The following SKAP2 variants were observed in gnomAD, a reference collection of about 807,000 sequenced individuals.
SKAP2 encodes the protein src kinase associated phosphoprotein 2.
A neutral mutation model predicts 54.9 loss-of-function variants in SKAP2; 28 were observed. The observed-to-expected ratio is 0.51, with a 90% CI of 0.38 to 0.70. SKAP2 has a LOEUF of 0.70. SKAP2 is among the 30% of genes least tolerant of loss of function. The pLI is 0.00. For synonymous variants in SKAP2, 137 were observed against 134.3 expected (o/e 1.02, Z -0.14); for missense variants, 356 against 424.1 (o/e 0.84, Z 1.41).
At chr7:26,681,530 A>G (rs1786498283) in intron 11 of SKAP2, among the ~76,000 whole-genome samples, 1 of 152,198 alleles carries the variant, frequency 6.6e-6, no homozygotes, top group Non-Finnish European at 1.5e-5. Flanking sequence ...CTAAATGTTT[A>G]TTTATATTGA....
intron 4 of SKAP2, among the ~76,000 whole-genome samples, chr7:26,755,846 C>T (rs1782778734): frequency 1.3e-5 from 2 of 152,354 alleles, no homozygotes; most frequent in South Asian, 2.1e-4. Context: ...TCTCCACTCA[C>T]CCCGTTTTGG....
chr7:26,798,419 AG>A (rs1174513824), intron 4 of SKAP2, among the ~76,000 whole-genome samples: 1 of 152,028 alleles, frequency 6.6e-6, no homozygotes, highest in Non-Finnish European at 1.5e-5. Flanking sequence ...ATACTGAAGA[AG>A]GCATCAGAGT....
chr7:26,757,918 C>A (rs559443910), intron 4 of SKAP2, among the ~76,000 whole-genome samples: 2 of 152,254 alleles, frequency 1.3e-5, no homozygotes, highest in South Asian at 4.1e-4. Context: ...CGTGCCACCA[C>A]GCCTGGCTAA....
chr7:26,846,007 T>C (rs908149858), intron 3 of SKAP2, among the ~76,000 whole-genome samples: 3 of 152,186 alleles, frequency 2.0e-5, no homozygotes, highest in African/African-American at 7.2e-5. Context: ...CATAAAGTGC[T>C]AGTAAACATA....
chr7:26,751,241 C>T (rs990683408), intron 4 of SKAP2, among the ~76,000 whole-genome samples: 17 of 151,886 alleles, frequency 1.1e-4, no homozygotes, highest in Non-Finnish European at 2.4e-4. Context: ...CCAAAACAAC[C>T]TTATTATTGA....
intron 4 of SKAP2, among the ~76,000 whole-genome samples, chr7:26,768,825 G>A (rs144332205): frequency 0.028 from 4,316 of 152,230 alleles, 200 homozygotes; most frequent in African/African-American, 0.098. Flanking sequence ...AGATAGATCC[G>A]CTGTTAGTCT....
At chr7:26,748,433 A>G (rs1782604619) in intron 4 of SKAP2, among the ~76,000 whole-genome samples, 1 of 152,088 alleles carries the variant, frequency 6.6e-6, no homozygotes, top group South Asian at 2.1e-4. Flanking sequence ...AGACAAGACT[A>G]CTAGTTTATA....
intron 1 of SKAP2, among the ~76,000 whole-genome samples, chr7:26,861,895 T>C (rs905117426): frequency 6.6e-6 from 1 of 151,976 alleles, no homozygotes; most frequent in Non-Finnish European, 1.5e-5. Flanking sequence ...ACAGTCATTA[T>C]CTTTTGATTA....
At chr7:26,684,596 T>C (rs1786586391) in intron 11 of SKAP2, 140 bp downstream of exon 11, 2 of 593,212 alleles carry the variant, frequency 3.4e-6, no homozygotes, top group Admixed American at 6.5e-5. Flanking sequence ...AAATAATTAA[T>C]TATTGTGAAC....
chr7:26,788,433 A>G (rs148745288), intron 4 of SKAP2, among the ~76,000 whole-genome samples: 1 of 152,288 alleles, frequency 6.6e-6, no homozygotes, highest in African/African-American at 2.4e-5. Context: ...TGAAGGAAAA[A>G]AAAAACTAGT....
chr7:26,686,879 T>C (rs957870517), intron 10 of SKAP2, among the ~76,000 whole-genome samples: 2 of 152,106 alleles, frequency 1.3e-5, no homozygotes, highest in African/African-American at 4.8e-5. Context: ...AAATGGCTGG[T>C]TTCTTTAGTC....
chr7:26,721,539 TA>T (rs932124100), intron 9 of SKAP2, among the ~76,000 whole-genome samples: 2 of 151,164 alleles, frequency 1.3e-5, no homozygotes, highest in African/African-American at 4.9e-5. Context: ...CATTGTAATT[TA>T]AAAAAAAATG....
At chr7:26,689,316 G>C (rs1217765670) in intron 10 of SKAP2, among the ~76,000 whole-genome samples, 1 of 152,156 alleles carries the variant, frequency 6.6e-6, no homozygotes, top group African/African-American at 2.4e-5. Context: ...CTATGAAGAG[G>C]TGTAAAGTCC....
intron 3 of SKAP2, among the ~76,000 whole-genome samples, chr7:26,847,771 T>C (rs1784956074): frequency 6.6e-6 from 1 of 152,206 alleles, no homozygotes. Context: ...TCTGTGGTCA[T>C]AAAATTAATG....
chr7:26,834,187 C>A (rs1784659289), intron 4 of SKAP2, among the ~76,000 whole-genome samples: 1 of 152,094 alleles, frequency 6.6e-6, no homozygotes, highest in Non-Finnish European at 1.5e-5. Flanking sequence ...TGGGACACAG[C>A]TAAAGCAGTG....
chr7:26,766,995 G>A (rs1214540704), intron 4 of SKAP2, among the ~76,000 whole-genome samples: 1 of 152,132 alleles, frequency 6.6e-6, no homozygotes, highest in Non-Finnish European at 1.5e-5. Context: ...AATGAGTTAG[G>A]GAGGAGTCCC....
intron 9 of SKAP2, among the ~76,000 whole-genome samples, chr7:26,697,644 CA>C (rs898451558): frequency 3.4e-5 from 5 of 149,076 alleles, no homozygotes; most frequent in Non-Finnish European, 5.9e-5. Context: ...AATTACAGCT[CA>C]TTTTTTTTTT....
intron 4 of SKAP2, among the ~76,000 whole-genome samples, chr7:26,834,204 GGAA>G (rs1002473099): frequency 6.6e-6 from 1 of 152,116 alleles, no homozygotes; most frequent in African/African-American, 2.4e-5. Context: ...AGTGTTTAGA[GGAA>G]ATTTATAGCA....
At chr7:26,748,196 AT>A (rs1330246855) in intron 4 of SKAP2, among the ~76,000 whole-genome samples, 1 of 152,314 alleles carries the variant, frequency 6.6e-6, no homozygotes, top group Non-Finnish European at 1.5e-5. Context: ...TGTGAAAAAA[AT>A]CTCTTTAAGA....
Sources: gnomAD v4.1 joint callset for allele counts (sites outside exome capture counted in the v4.1 genomes callset) on GRCh38, gnomAD v4.1.1 for gene constraint, MANE v1.5 for transcripts, NCBI Gene and HGNC (gene_info 2026-07-23, HGNC 2026-07-21) for gene names.